The following ATG4B variants were observed in gnomAD, a reference collection of about 807,000 sequenced individuals.
ATG4B encodes the protein cysteine protease ATG4B.
A neutral mutation model predicts 56.6 loss-of-function variants in ATG4B; 29 were observed. The observed-to-expected ratio is 0.51, with a 90% CI of 0.38 to 0.70. ATG4B has a LOEUF of 0.70. ATG4B is among the 30% of genes least tolerant of loss of function. The pLI, the probability that ATG4B is intolerant of heterozygous loss-of-function variation, is 0.00. For missense variants in ATG4B, 461 were observed against 515.5 expected (o/e 0.89, Z 1.02); for synonymous variants, 224 against 206.1 (o/e 1.09, Z -0.74).
At position 241,672,176 on chromosome 2, in the gene ATG4B, T is replaced by C. The variant is rs371247537; in HGVS notation, c.1109-15T>C. The C allele has an allele frequency of 6.4e-6, 10 of 1,568,674 alleles. No homozygotes were observed. Among genetic ancestry groups the C allele is most frequent in the Admixed American group, 1.9e-5 (1 of 52,756 alleles). On this transcript the variant is annotated splice_polypyrimidine_tract_variant and intron_variant, in intron 12 of 12. Transcript: ENST00000404914. ...CACCCAAGATGCCTGATGCGCTATGTCCTGTTCCTTCTAGATTCTTCTGAT... is the reference window on the plus strand; with the variant it reads ...CACCCAAGATGCCTGATGCGCTATGCCCTGTTCCTTCTAGATTCTTCTGAT...
intron 1 of ATG4B, among the ~76,000 whole-genome samples, chr2:241,643,566 ATATT>A (rs1041495365): frequency 4.0e-5 from 6 of 149,876 alleles, no homozygotes; most frequent in Admixed American, 1.3e-4. Flanking sequence ...ATGGGTCTAT[ATATT>A]TATTTATGTA....
intron 4 of ATG4B, among the ~76,000 whole-genome samples, chr2:241,654,336 G>A (rs866548128): frequency 2.0e-5 from 3 of 150,224 alleles, no homozygotes; most frequent in Non-Finnish European, 2.9e-5. Flanking sequence ...CAGGAGAATC[G>A]CTTGAACCCG....
intron 7 of ATG4B, among the ~76,000 whole-genome samples, chr2:241,665,673 C>T (rs139687831): frequency 8.7e-4 from 133 of 152,294 alleles, no homozygotes; most frequent in African/African-American, 2.3e-3. Flanking sequence ...GTCAGATCCC[C>T]GGAGATGGTG....
intron 5 of ATG4B, 144 bp from the exon 6 acceptor site, chr2:241,655,127 G>A (rs1166225561): frequency 1.1e-5 from 8 of 737,442 alleles, no homozygotes; most frequent in African/African-American, 5.2e-5. Context: ...TGCCTCCCCC[G>A]ATCTTGTTGG....
chr2:241,673,848 A>G lies in ATG4B; in HGVS notation c.*1584A>G. On this transcript the variant is annotated 3_prime_UTR_variant, in exon 13 of 13. Transcript: ENST00000404914. ...TTAATGGCAAATAATAAGTTTCAGT[A>G]GAAAACAAACCTTGTGTCTATTTTT... The G allele has an allele frequency of 2.4e-6, 1 of 418,034 alleles. No homozygotes were observed. Among genetic ancestry groups the G allele is most frequent in the South Asian group, 1.6e-5 (1 of 60,764 alleles). 25.9% of individuals were successfully genotyped at this position (418,034 alleles called of 1,614,324 possible).
intron 1 of ATG4B, among the ~76,000 whole-genome samples, chr2:241,638,014 C>T (rs890377059): frequency 1.3e-4 from 19 of 151,696 alleles, no homozygotes; most frequent in South Asian, 2.1e-4. Flanking sequence ...GCTGCACAGG[C>T]CCTTGCGCCA....
rs1224059971 is a variant in ATG4B at position 241,668,944 on chromosome 2, T to C, written c.957+259T>C. The C allele has an allele frequency of 1.9e-6, 1 of 525,284 alleles. No individual in the cohort carries two copies. Among genetic ancestry groups the C allele is most frequent in the African/African-American group, 1.9e-5 (1 of 51,682 alleles). The allele number at this position is 525,284 out of a possible 1,614,324, so 32.5% of individuals were successfully genotyped here. A position where few individuals can be genotyped will look rare whatever the true frequency, so the allele number is the denominator to read the frequency against. On this transcript the variant is annotated intron_variant, in intron 10 of 12. Transcript: ENST00000404914. This position sits in a 1 kb window ranked among gnomAD's most constrained non-coding sequence, Gnocchi z 4.2. ...GAGCGTGTGTCTGGATGTGAGCGTG[T>C]GTGGGCGCGTGCTGAGTGTGCATGG...
intron 1 of ATG4B, among the ~76,000 whole-genome samples, chr2:241,646,623 C>T (rs761370156): frequency 6.6e-6 from 1 of 152,130 alleles, no homozygotes; most frequent in Non-Finnish European, 1.5e-5. Context: ...GATAGCTCCT[C>T]GTCAGCCACA....
At chr2:241,654,974 A>G (rs2068350287) in intron 5 of ATG4B, 2 of 576,078 alleles carry the variant, frequency 3.5e-6, no homozygotes, top group East Asian at 2.9e-5. Context: ...TGGAGTGAGT[A>G]AAGAAGAGTT....
Position 241,654,387 on chromosome 2 carries a change from C to T in ATG4B, c.284-159C>T, listed in dbSNP as rs1267732384. Among the ~76,000 whole-genome samples, 6 of 144,082 alleles carry T rather than the reference C, an allele frequency of 4.2e-5. No homozygotes were observed. In the South Asian group the frequency reaches 1.1e-3, roughly 27 times the overall value. 94.5% of individuals were successfully genotyped at this position (144,082 alleles called of 152,430 possible). On this transcript the variant is annotated intron_variant, in intron 4 of 12. Transcript: ENST00000404914. ...AGTGAGCCGAGATCACGCCATTGCA[C>T]TCCATCCTGGGTGAGAGAGCGAGAC...
intron 1 of ATG4B, among the ~76,000 whole-genome samples, chr2:241,646,897 C>G (rs932804409): frequency 6.6e-6 from 1 of 151,848 alleles, no homozygotes; most frequent in African/African-American, 2.4e-5. Flanking sequence ...ATTCTCCTGC[C>G]TCAGCCTCCC....
intron 5 of ATG4B, chr2:241,654,889 G>C (rs891323414): frequency 1.7e-6 from 1 of 580,940 alleles, no homozygotes; most frequent in Admixed American, 3.2e-5. Context: ...CATGCGGCTT[G>C]CAGTGCCTGG....
rs577654960 is a variant in ATG4B at position 241,642,008 on chromosome 2, C to T, written c.10+4284C>T. ...TTGTGCTTGCATTTCTAGTGCATCACTTGTGTCTGGCATGTGGTTGGTAAT... is the reference window on the plus strand; with the variant it reads ...TTGTGCTTGCATTTCTAGTGCATCATTTGTGTCTGGCATGTGGTTGGTAAT... On this transcript the variant is annotated intron_variant, in intron 1 of 12. Coordinates refer to ENST00000404914, the MANE Select transcript of ATG4B (RefSeq NM_013325.5). 5.3e-4 allele frequency among the ~76,000 whole-genome samples: 80 copies of T among 150,608 alleles called. 1 individual carries two copies. In the Middle Eastern group the frequency reaches 0.01, roughly 19 times the overall value.
At chr2:241,665,568 TCA>T (rs1408433607) in intron 7 of ATG4B, among the ~76,000 whole-genome samples, 1 of 152,244 alleles carries the variant, frequency 6.6e-6, no homozygotes, top group Non-Finnish European at 1.5e-5. Context: ...GTCTGCTTCC[TCA>T]CAGTTGGGCT....
chr2:241,637,774 C>T (rs2067714919), intron 1 of ATG4B, 50 bp downstream of exon 1: 10 of 1,546,522 alleles, frequency 6.5e-6, no homozygotes, highest in African/African-American at 1.4e-5. Flanking sequence ...CTCGCCTTAT[C>T]ATTGGCCTCC....
chr2:241,671,160 C>T (rs929759557), intron 11 of ATG4B, among the ~76,000 whole-genome samples, 152 bp from the exon 12 acceptor site: 2 of 152,208 alleles, frequency 1.3e-5, no homozygotes, highest in African/African-American at 2.4e-5. Context: ...ACTGGGTTCT[C>T]GTGTAGCCTT....
At chr2:241,654,745 G>A in intron 5 of ATG4B, 98 bp downstream of exon 5, 2 of 947,808 alleles carry the variant, frequency 2.1e-6, no homozygotes, top group South Asian at 1.5e-5. Context: ...CGTGGGATGT[G>A]GAGCAGGAGG....
At chr2:241,657,113 T>C (rs903192589) in intron 6 of ATG4B, among the ~76,000 whole-genome samples, 7 of 151,038 alleles carry the variant, frequency 4.6e-5, no homozygotes, top group African/African-American at 1.7e-4. Context: ...GTACCTGGAA[T>C]TACAGGCACC....
intron 7 of ATG4B, among the ~76,000 whole-genome samples, chr2:241,665,530 T>G (rs1434485650): frequency 6.6e-6 from 1 of 152,218 alleles, no homozygotes; most frequent in Non-Finnish European, 1.5e-5. Context: ...CGAGTTCAGG[T>G]CAGCTGACCA....
Sources: gnomAD v4.1 joint callset for allele counts (sites outside exome capture counted in the v4.1 genomes callset) on GRCh38, gnomAD v4.1.1 for gene constraint, Gnocchi (gnomAD v3.1) non-coding constraint, MANE v1.5 for transcripts, NCBI Gene and HGNC (gene_info 2026-07-23, HGNC 2026-07-21) for gene names.